PLEKHH2: variants seen among roughly 807,000 people sequenced by gnomAD.
The protein encoded by PLEKHH2 is pleckstrin homology domain-containing family H member 2.
Under a neutral mutation model 187.9 loss-of-function variants are expected in PLEKHH2, and 129 were observed. That is an observed-to-expected ratio of 0.69 (90% CI 0.59 to 0.79). The LOEUF (loss-of-function observed/expected upper bound fraction) is 0.79, where lower values mean the gene tolerates loss of function less well. Among genes scored for constraint, PLEKHH2 ranks in the 30% least tolerant of loss-of-function variants. The pLI, the probability that PLEKHH2 is intolerant of heterozygous loss-of-function variation, is 0.00. For synonymous variants in PLEKHH2, 686 were observed against 605.6 expected, an observed-to-expected ratio of 1.13 and a Z score of -1.95; for missense variants, 2,076 against 1,751.2, an observed-to-expected ratio of 1.19 and a Z score of -3.31.
intron 2 of PLEKHH2, among the ~76,000 whole-genome samples, chr2:43,676,762 G>T (rs1400712681): frequency 6.6e-6 from 1 of 151,976 alleles, no homozygotes; most frequent in Admixed American, 6.6e-5. Context: ...TATAATATTC[G>T]TTTTAGTATT....
Position 43,644,801 on chromosome 2 carries a change from G to C in PLEKHH2, c.123+5G>C. 6.2e-7 allele frequency: 1 copy of C among 1,601,732 alleles called. No homozygotes were observed. Among genetic ancestry groups the C allele is most frequent in the Non-Finnish European group, 8.5e-7 (1 of 1,174,030 alleles). On this transcript the variant is annotated splice_donor_5th_base_variant and intron_variant, in intron 2 of 29. Transcript: ENST00000282406. Reference sequence around the variant, plus strand: ...CGAGAGCTTTTAGCAGAGAAGGTAAGCTTTCTCCCTAAGCTTTGTTATTAA... The same window carrying C: ...CGAGAGCTTTTAGCAGAGAAGGTAACCTTTCTCCCTAAGCTTTGTTATTAA...
chr2:43,747,116 C>CTCAA (rs991996180), intron 24 of PLEKHH2, among the ~76,000 whole-genome samples: 2 of 147,820 alleles, frequency 1.4e-5, no homozygotes, highest in African/African-American at 4.9e-5. Context: ...CTCCCTCTCT[C>CTCAA]TCTCTCTCTC....
At chr2:43,728,978 T>G (rs1670909585) in intron 17 of PLEKHH2, among the ~76,000 whole-genome samples, 1 of 152,200 alleles carries the variant, frequency 6.6e-6, no homozygotes, top group Non-Finnish European at 1.5e-5. Flanking sequence ...CAGTGAGAAG[T>G]TAGTAACCAT....
At chr2:43,726,147 T>C (rs903302417) in intron 16 of PLEKHH2, 125 bp from the exon 17 acceptor site, 6 of 613,638 alleles carry the variant, frequency 9.8e-6, no homozygotes, top group Admixed American at 7.7e-5. Context: ...AAAAGGAAAA[T>C]AAAAAATAAA....
chr2:43,711,279 A>G (rs1335601956), intron 14 of PLEKHH2: 1 of 985,314 alleles, frequency 1.0e-6, no homozygotes. Flanking sequence ...CAATGTTTCC[A>G]GTGATTTGTA....
chr2:43,637,851 T>G (rs918266812), intron 1 of PLEKHH2, among the ~76,000 whole-genome samples: 3 of 152,202 alleles, frequency 2.0e-5, no homozygotes, highest in African/African-American at 7.2e-5. Flanking sequence ...AGAAGCATTT[T>G]GTACACCTCG....
intron 2 of PLEKHH2, among the ~76,000 whole-genome samples, chr2:43,671,686 A>T (rs1382231083): frequency 6.6e-6 from 1 of 152,216 alleles, no homozygotes; most frequent in Non-Finnish European, 1.5e-5. Context: ...GAATTTTGTC[A>T]GATGATTTTT....
At chr2:43,670,573 T>C (rs1667448148) in intron 2 of PLEKHH2, among the ~76,000 whole-genome samples, 1 of 152,236 alleles carries the variant, frequency 6.6e-6, no homozygotes, top group Non-Finnish European at 1.5e-5. Context: ...TTCTCTTGAC[T>C]ACTATTGGCA....
rs188798576 is a variant in PLEKHH2, at chr2:43,753,570, T to A, written c.3654-49T>A. On this transcript the variant is annotated intron_variant, in intron 24 of 29. Transcript: ENST00000282406. ...CCTCTGGATTTATCTTTACTTTATT[T>A]CCTTGTAAGAATATAATTTAATGAG... 200 of 1,361,700 alleles carry A rather than the reference T, an allele frequency of 1.5e-4. No individual in the cohort carries two copies. The African/African-American group carries it at 2.5e-3, about 17-fold the overall frequency. The allele number at this position is 1,361,700 out of a possible 1,614,324, so 84.4% of individuals were successfully genotyped here. A position where few individuals can be genotyped will look rare whatever the true frequency, so the allele number is the denominator to read the frequency against.
At chr2:43,659,835 A>G (rs538789407) in intron 2 of PLEKHH2, among the ~76,000 whole-genome samples, 35 of 151,906 alleles carry the variant, frequency 2.3e-4, no homozygotes, top group Admixed American at 1.3e-4. Context: ...CTGGGATTAC[A>G]GGTGTTAGCC....
At chr2:43,745,093 C>T (rs550916006) in intron 23 of PLEKHH2, among the ~76,000 whole-genome samples, 2 of 152,060 alleles carry the variant, frequency 1.3e-5, no homozygotes. Context: ...GCAGGCAGAT[C>T]ATTTGAGGTC....
intron 1 of PLEKHH2, among the ~76,000 whole-genome samples, chr2:43,641,474 T>C (rs1260565855): frequency 6.7e-6 from 1 of 148,150 alleles, no homozygotes; most frequent in Admixed American, 6.8e-5. Flanking sequence ...GTAAACTTTC[T>C]TAAAGCATTA....
chr2:43,637,665 G>A (rs1474625580), intron 1 of PLEKHH2, among the ~76,000 whole-genome samples: 1 of 152,144 alleles, frequency 6.6e-6, no homozygotes, highest in Non-Finnish European at 1.5e-5. Flanking sequence ...GTGACGTTCT[G>A]TTTGGAAACA....
Position 43,699,840 on chromosome 2 carries a change from C to T in PLEKHH2, c.882C>T (p.Ser294=). Residue 294 remains serine, a synonymous_variant, in exon 8 of 30, where the codon AGC becomes AGT. Transcript: ENST00000282406. ...SDWSSDEEDG[S]KGRSKSRCTS... is the part of the protein sequence containing the mutation. ...GGAGCTCTGATGAGGAAGACGGGAG[C>T]AAAGGAAGATCCAAGTCCAGATGCA... 1 of 1,612,136 alleles carries T rather than the reference C, an allele frequency of 6.2e-7. No individual in the cohort carries two copies. The highest frequency in any genetic ancestry group is 8.5e-7 in the Non-Finnish European group (1 of 1,178,230).
chr2:43,756,734 G>A (rs1402735823), intron 25 of PLEKHH2, among the ~76,000 whole-genome samples: 1 of 152,172 alleles, frequency 6.6e-6, no homozygotes, highest in East Asian at 1.9e-4. Context: ...GATCACTTGA[G>A]GTCAGGAGTT....
chr2:43,747,413 A>G (rs1025445452), intron 24 of PLEKHH2, among the ~76,000 whole-genome samples: 1 of 152,184 alleles, frequency 6.6e-6, no homozygotes, highest in Non-Finnish European at 1.5e-5. Context: ...TACCAAGTTC[A>G]GAGGGAGATG....
chr2:43,699,890 C>T lies in PLEKHH2; in HGVS notation c.932C>T (p.Ser311Phe), dbSNP rs1161003039. ...ACATCCACCCTCTCCAGTCACACAT[C>T]TGAGGAAGGGGTCCAGTGTAGCAGG... ...RCTSTLSSHT[S>F]EEGVQCSRMG... The change falls in exon 8 of 30, where the codon TCT becomes TTT. Residue 311 changes from serine to phenylalanine, a missense_variant. Transcript: ENST00000282406. The T allele has an allele frequency of 6.2e-7, 1 of 1,613,984 alleles. No homozygotes were observed. The highest frequency in any genetic ancestry group is 1.3e-5 in the African/African-American group (1 of 74,900).
chr2:43,638,248 AACACACACACACACACAC>A (rs70965309), intron 1 of PLEKHH2, among the ~76,000 whole-genome samples: 18 of 148,870 alleles, frequency 1.2e-4, no homozygotes, highest in Admixed American at 9.4e-4. Context: ...AAGATCTTTT[AACACACACACACACACAC>A]ACACACACAC....
In PLEKHH2 at chr2:43,726,334, T is replaced by C. The variant is rs368437892; in HGVS notation, c.2604T>C (p.Asp868=). 85 of 1,612,216 alleles carry C rather than the reference T, an allele frequency of 5.3e-5. 1 individual carries two copies. In the South Asian group the frequency reaches 8.1e-4, roughly 15 times the overall value. ...AKVEEVDRSC[D]SDEDYEASGR... ...TGGAAGAGGTTGACAGATCTTGTGA[T>C]TCAGATGAAGATTATGAAGCCAGTG... Residue 868 remains aspartate, a synonymous_variant, in exon 17 of 30, where the codon GAT becomes GAC. Coordinates refer to ENST00000282406, the MANE Select transcript of PLEKHH2 (RefSeq NM_172069.4).
Sources: gnomAD v4.1 joint callset for allele counts (sites outside exome capture counted in the v4.1 genomes callset) on GRCh38, gnomAD v4.1.1 for gene constraint, MANE v1.5 for transcripts, NCBI Gene and HGNC (gene_info 2026-07-23, HGNC 2026-07-21) for gene names.